CRBN: variants seen among roughly 807,000 people sequenced by gnomAD.
The protein encoded by CRBN is protein cereblon.
CRBN carries 53 observed loss-of-function variants against 62.2 expected under a neutral mutation model. The ratio of observed to expected loss-of-function variants is 0.85; its 90% CI spans 0.68 to 1.07. The LOEUF (loss-of-function observed/expected upper bound fraction) is 1.07. Ranked by LOEUF, CRBN falls within the 50% of genes least tolerant of loss-of-function variation. The pLI is 0.00. For missense variants in CRBN, 616 were observed against 531.1 expected, an observed-to-expected ratio of 1.16 and a Z score of -1.57; for synonymous variants, 208 against 176.1, an observed-to-expected ratio of 1.18 and a Z score of -1.43.
At chr3:3,157,538 G>A (rs1385013267) in intron 5 of CRBN, among the ~76,000 whole-genome samples, 2 of 152,034 alleles carry the variant, frequency 1.3e-5, no homozygotes, top group Non-Finnish European at 2.9e-5. Flanking sequence ...CAAATGACTA[G>A]GTATGTTTCA....
At chr3:3,151,219 C>T (rs1672770) in intron 10 of CRBN, among the ~76,000 whole-genome samples, 174 bp from the exon 11 acceptor site, 99,972 of 151,980 alleles carry the variant, frequency 0.66, 34,893 homozygotes, top group Middle Eastern at 0.8. Context: ...AAAACATTTT[C>T]TAATTTTGTA....
At chr3:3,170,093 C>T (rs946515855) in intron 4 of CRBN, among the ~76,000 whole-genome samples, 2 of 152,130 alleles carry the variant, frequency 1.3e-5, no homozygotes, top group Admixed American at 1.3e-4. Context: ...GGTTCTCATG[C>T]CTCAGCCTCC....
In CRBN at chr3:3,156,251, A is replaced by G; in HGVS notation, c.718T>C (p.Trp240Arg). Reference sequence around the variant, plus strand: ...TATAAGGAATACAGCCAGCGAGGCCATGAAGTTAGATTTGCACAATGAAAC... The same window carrying G: ...TATAAGGAATACAGCCAGCGAGGCCGTGAAGTTAGATTTGCACAATGAAAC... Reference protein sequence around the residue: ...RKFHCANLTSWPRWLYSLYDA... With the variant: ...RKFHCANLTSRPRWLYSLYDA... Residue 240 changes from tryptophan to arginine, a missense_variant, in exon 6 of 11, where the codon TGG (tryptophan) becomes CGG (arginine). Transcript: ENST00000231948. 6.2e-7 allele frequency: 1 copy of G among 1,614,156 alleles called. No individual in the cohort carries two copies. The highest frequency in any genetic ancestry group is 8.5e-7 in the Non-Finnish European group (1 of 1,179,982).
intron 7 of CRBN, 80 bp downstream of exon 7, chr3:3,154,667 T>G (rs532571439): frequency 2.5e-6 from 2 of 795,422 alleles, no homozygotes; most frequent in Non-Finnish European, 4.6e-6. Flanking sequence ...CTAGAAGATA[T>G]GATTGGATCG....
chr3:3,153,214 A>G, intron 9 of CRBN: 1 of 518,874 alleles, frequency 1.9e-6, no homozygotes. Flanking sequence ...TACCATGCTC[A>G]TTACCTGTGA....
chr3:3,152,264 T>G (rs139660334), intron 10 of CRBN, among the ~76,000 whole-genome samples, 192 bp downstream of exon 10: 22 of 151,986 alleles, frequency 1.4e-4, no homozygotes, highest in Admixed American at 9.2e-4. Context: ...GAGATTCTTG[T>G]GCCTCAGCAT....
At chr3:3,158,595 T>C (rs2126058147) in intron 5 of CRBN, among the ~76,000 whole-genome samples, 1 of 152,230 alleles carries the variant, frequency 6.6e-6, no homozygotes, top group East Asian at 1.9e-4. Context: ...TAGCTCTGAA[T>C]CTTCAGGAAC....
intron 4 of CRBN, among the ~76,000 whole-genome samples, chr3:3,168,044 G>A (rs900794300): frequency 6.6e-6 from 1 of 151,990 alleles, no homozygotes; most frequent in African/African-American, 2.4e-5. Flanking sequence ...TGGAAAGGGA[G>A]ATCTACACAT....
chr3:3,174,269 A>C lies in CRBN; in HGVS notation c.175-8T>G. 1 of 1,576,494 alleles carries C rather than the reference A, an allele frequency of 6.3e-7. No homozygotes were observed. The highest frequency in any genetic ancestry group is 1.1e-5 in the South Asian group (1 of 90,354). ...CATATCAGCACCTAGGTACTATATA[A>C]AAACATATATAGGTATAGTGTCATG... is the stretch of plus-strand genomic sequence containing the variant. On this transcript the variant is annotated splice_region_variant and splice_polypyrimidine_tract_variant and intron_variant, in intron 2 of 10. Coordinates refer to ENST00000231948, the MANE Select transcript of CRBN (RefSeq NM_016302.4).
rs543111789 is a variant in CRBN, at chr3:3,176,530, G to C, written c.68-1261C>G. Among the ~76,000 whole-genome samples the C allele has an allele frequency of 2.0e-5, 3 of 152,188 alleles. No individual in the cohort carries two copies. In the South Asian group the frequency reaches 6.2e-4, roughly 32 times the overall value. ...GCAGGCAGATCACTTGAGGTCAGGA[G>C]TTCAAGACCAGCCTGGCCAACATGT... On this transcript the variant is annotated intron_variant, in intron 1 of 10. Coordinates refer to ENST00000231948, the MANE Select transcript of CRBN (RefSeq NM_016302.4).
At chr3:3,164,715 T>G (rs1235574090) in intron 5 of CRBN, among the ~76,000 whole-genome samples, 1 of 152,238 alleles carries the variant, frequency 6.6e-6, no homozygotes, top group African/African-American at 2.4e-5. Flanking sequence ...ATGTACATGG[T>G]CACCCAGAAG....
At chr3:3,162,677 A>G (rs1707188159) in intron 5 of CRBN, among the ~76,000 whole-genome samples, 1 of 152,196 alleles carries the variant, frequency 6.6e-6, no homozygotes, top group Non-Finnish European at 1.5e-5. Context: ...TATCTCAGGA[A>G]GACTACAATC....
In CRBN at chr3:3,154,817, G is replaced by A. The variant is rs1411278178; in HGVS notation, c.765C>T (p.Asp255=). Residue 255 remains aspartate (D), a synonymous_variant, in exon 7 of 11, where the codon GAC becomes GAT. Transcript: ENST00000231948. ...YSLYDAETLM[D]RIKKQLREWD... is the part of the protein sequence containing the mutation. ...ATTCACGTAGCTGTTTCTTGATTCT[G>A]TCCATTAAGGTCTCCTTGTTTAAAA... is the stretch of plus-strand genomic sequence containing the variant. 1 of 1,585,440 alleles carries A rather than the reference G, an allele frequency of 6.3e-7. No homozygotes were observed. The highest frequency in any genetic ancestry group is 8.7e-7 in the Non-Finnish European group (1 of 1,154,130).
At chr3:3,158,638 T>C (rs1287704902) in intron 5 of CRBN, among the ~76,000 whole-genome samples, 1 of 152,216 alleles carries the variant, frequency 6.6e-6, no homozygotes, top group African/African-American at 2.4e-5. Context: ...GTGCCAAGAA[T>C]TTCACATTTC....
At chr3:3,171,254 A>G (rs942836782) in intron 4 of CRBN, among the ~76,000 whole-genome samples, 1 of 152,170 alleles carries the variant, frequency 6.6e-6, no homozygotes, top group Non-Finnish European at 1.5e-5. Flanking sequence ...CCCCAAGTCA[A>G]TTTTCCTTAA....
rs757588143 is a variant in CRBN at position 3,152,467 on chromosome 3, G to A, written c.1137C>T (p.Ser379=). ...CACCATAATATTACCCAGGAAACCA[G>A]CTGTGTTCTGTAGAAGGCCGGCCTA... ...NLIGRPSTEH[S]WFPGYAWTVA... Residue 379 remains serine (S), a synonymous_variant, in exon 10 of 11, where the codon AGC becomes AGT. Coordinates refer to ENST00000231948, the MANE Select transcript of CRBN (RefSeq NM_016302.4). The A allele has an allele frequency of 3.7e-6, 6 of 1,613,132 alleles. No individual in the cohort carries two copies. Among genetic ancestry groups the A allele is most frequent in the East Asian group, 2.2e-5 (1 of 44,862 alleles).
chr3:3,174,018 T>G, intron 3 of CRBN, 41 bp downstream of exon 3: 2 of 1,513,362 alleles, frequency 1.3e-6, no homozygotes, highest in Non-Finnish European at 1.8e-6. Flanking sequence ...CAATTACCCA[T>G]GAGAGGGAAT....
intron 5 of CRBN, among the ~76,000 whole-genome samples, chr3:3,166,617 A>C (rs1260632027): frequency 6.6e-6 from 1 of 152,140 alleles, no homozygotes; most frequent in Admixed American, 6.6e-5. Context: ...ACACTAGTCA[A>C]AACACACTGT....
chr3:3,179,423 G>A (rs1175877633), intron 1 of CRBN, among the ~76,000 whole-genome samples, 198 bp downstream of exon 1: 2 of 152,162 alleles, frequency 1.3e-5, no homozygotes, highest in South Asian at 2.1e-4. Context: ...CACGGCTCGG[G>A]GCAACAGAGC....
Sources: gnomAD v4.1 joint callset for allele counts (sites outside exome capture counted in the v4.1 genomes callset) on GRCh38, gnomAD v4.1.1 for gene constraint, MANE v1.5 for transcripts, NCBI Gene and HGNC (gene_info 2026-07-23, HGNC 2026-07-21) for gene names.